ROBO2: variants seen among roughly 807,000 people sequenced by gnomAD.
ROBO2 encodes the protein roundabout guidance receptor 2, also known as roundabout homolog 2.
In ROBO2, 53 loss-of-function variants were observed where a neutral mutation model predicts 160.8. That is an observed-to-expected ratio of 0.33 (90% confidence interval 0.26 to 0.41). ROBO2 has a LOEUF of 0.41. Among genes scored for constraint, ROBO2 ranks in the 10% least tolerant of loss-of-function variants. The pLI is 1.00. For missense variants in ROBO2, 1,577 were observed against 1,722.4 expected, an observed-to-expected ratio of 0.92 and a Z score of 1.49; for synonymous variants, 664 against 611.7, an observed-to-expected ratio of 1.09 and a Z score of -1.26.
chr3:76,200,435 TTCCTGAA>T (rs1702467376), intron 2 of ROBO2, among the ~76,000 whole-genome samples: 1 of 152,138 alleles, frequency 6.6e-6, no homozygotes, highest in Admixed American at 6.6e-5. Flanking sequence ...TTTGGAGCTT[TTCCTGAA>T]TCCACTGGTT....
intron 1 of ROBO2, among the ~76,000 whole-genome samples, chr3:77,073,573 A>T (rs1347208216): frequency 1.3e-5 from 2 of 152,166 alleles, no homozygotes; most frequent in African/African-American, 4.8e-5. Context: ...CAGTAAACCT[A>T]AGCATTTCAT....
chr3:77,203,205 T>A (rs1054162183), intron 2 of ROBO2, among the ~76,000 whole-genome samples: 5 of 152,218 alleles, frequency 3.3e-5, no homozygotes, highest in African/African-American at 1.2e-4. Context: ...CTACCCTAAT[T>A]GTGTGAAGGA....
chr3:77,054,585 C>A (rs182363506), intron 1 of ROBO2, among the ~76,000 whole-genome samples: 1 of 152,200 alleles, frequency 6.6e-6, no homozygotes, highest in Non-Finnish European at 1.5e-5. Context: ...GAAGGTTGTA[C>A]AAGTGAGATT....
At chr3:77,462,616 A>C (rs1475325287) in intron 2 of ROBO2, among the ~76,000 whole-genome samples, 1 of 152,124 alleles carries the variant, frequency 6.6e-6, no homozygotes, top group Non-Finnish European at 1.5e-5. Context: ...ATTTGAAAAC[A>C]CTCCGTCAAT....
chr3:76,328,492 C>T (rs748693327), intron 2 of ROBO2, among the ~76,000 whole-genome samples: 3 of 152,042 alleles, frequency 2.0e-5, no homozygotes, highest in Non-Finnish European at 4.4e-5. Context: ...GTTTGGAGGC[C>T]GAGGCGGGCA....
chr3:76,043,003 A>C (rs2067322112), intron 2 of ROBO2, among the ~76,000 whole-genome samples: 1 of 151,926 alleles, frequency 6.6e-6, no homozygotes, highest in African/African-American at 2.4e-5. Context: ...TCGGTGTCTG[A>C]GGGGTTTTGT....
chr3:77,040,645 G>A lies in ROBO2; in HGVS notation c.-141G>A, dbSNP rs1578447680. 3 of 1,541,764 alleles carry A rather than the reference G, an allele frequency of 1.9e-6. No individual in the cohort carries two copies. In the East Asian group the frequency reaches 6.9e-5, roughly 36 times the overall value. ...CTCTCCACCAACCCCTTCTGATCTTGCGATTTGCTCTTCTTGACTTTAATT... is the reference window on the plus strand; with the variant it reads ...CTCTCCACCAACCCCTTCTGATCTTACGATTTGCTCTTCTTGACTTTAATT... On this transcript the variant is annotated 5_prime_UTR_variant, in exon 1 of 26. Coordinates refer to ENST00000461745, the Ensembl canonical transcript of ROBO2.
At chr3:76,468,918 A>G (rs1019780931) in intron 2 of ROBO2, among the ~76,000 whole-genome samples, 2 of 152,030 alleles carry the variant, frequency 1.3e-5, no homozygotes, top group Non-Finnish European at 2.9e-5. Flanking sequence ...TCTACTCTTA[A>G]GTTCCTACTT....
intron 2 of ROBO2, among the ~76,000 whole-genome samples, chr3:76,561,812 C>A (rs1170902806): frequency 6.6e-6 from 1 of 152,120 alleles, no homozygotes; most frequent in African/African-American, 2.4e-5. Context: ...CTTGCTCTTA[C>A]ACTCCCTCTC....
At chr3:76,549,484 G>T (rs1334589939) in intron 2 of ROBO2, among the ~76,000 whole-genome samples, 1 of 152,180 alleles carries the variant, frequency 6.6e-6, no homozygotes, top group East Asian at 1.9e-4. Flanking sequence ...CCTCTGAGAA[G>T]GTTCTGTCTG....
At chr3:77,277,169 T>A (rs866576394) in intron 2 of ROBO2, among the ~76,000 whole-genome samples, 1 of 95,236 alleles carries the variant, frequency 1.1e-5, no homozygotes, top group Non-Finnish European at 2.1e-5. Context: ...TCTTTCTTTC[T>A]TTCTTTCTTT....
At chr3:77,618,420 C>T (rs993414514) in intron 22 of ROBO2, among the ~76,000 whole-genome samples, 1 of 152,098 alleles carries the variant, frequency 6.6e-6, no homozygotes, top group Non-Finnish European at 1.5e-5. Flanking sequence ...CCTAGGTATC[C>T]TGTGGAATTA....
chr3:76,489,145 C>CT (rs1424456786), intron 2 of ROBO2, among the ~76,000 whole-genome samples: 6 of 111,362 alleles, frequency 5.4e-5, no homozygotes, highest in African/African-American at 2.3e-4. Context: ...GTACTGACTT[C>CT]TTTTTTTTGT....
At chr3:75,937,511 A>C in exon 2 of ROBO2, 1 of 1,572,516 alleles carries the variant, frequency 6.4e-7, no homozygotes, top group Non-Finnish European at 8.6e-7. Flanking sequence ...GAAGACATGA[A>C]CGTGTCACTA....
chr3:76,096,818 T>A (rs1010254165), intron 2 of ROBO2, among the ~76,000 whole-genome samples: 1 of 152,188 alleles, frequency 6.6e-6, no homozygotes, highest in Admixed American at 6.5e-5. Context: ...ACCACAATAT[T>A]GTAGAGACGA....
At chr3:76,369,279 T>C (rs938009557) in intron 2 of ROBO2, among the ~76,000 whole-genome samples, 1 of 151,954 alleles carries the variant, frequency 6.6e-6, no homozygotes, top group African/African-American at 2.4e-5. Flanking sequence ...AAATCATTCA[T>C]TGGCCTTCCG....
chr3:76,017,663 T>C (rs1333332578), intron 2 of ROBO2, among the ~76,000 whole-genome samples: 1 of 152,070 alleles, frequency 6.6e-6, no homozygotes, highest in African/African-American at 2.4e-5. Context: ...AGGTAATTTA[T>C]ATACATACCA....
chr3:76,623,214 G>A (rs934726779), intron 2 of ROBO2, among the ~76,000 whole-genome samples: 6 of 152,112 alleles, frequency 3.9e-5, no homozygotes, highest in Non-Finnish European at 8.8e-5. Context: ...GGTGTACTGA[G>A]GGACACAAAA....
At chr3:76,114,127 G>C (rs1052342186) in intron 2 of ROBO2, among the ~76,000 whole-genome samples, 2 of 152,114 alleles carry the variant, frequency 1.3e-5, no homozygotes, top group Non-Finnish European at 2.9e-5. Flanking sequence ...ATAGAAAATG[G>C]AACAACATAC....
Sources: allele counts gnomAD v4.1 joint callset (sites outside exome capture counted in the v4.1 genomes callset), GRCh38; gene constraint gnomAD v4.1.1; transcripts MANE v1.5; gene names NCBI Gene and HGNC (gene_info 2026-07-23, HGNC 2026-07-21).